Variants in HMCN1 observed in about 807,000 individuals in gnomAD.
HMCN1 encodes the protein hemicentin 1.
In HMCN1, 321 loss-of-function variants were observed where a neutral mutation model predicts 625.9. That is an observed-to-expected ratio of 0.51 (90% confidence interval 0.47 to 0.56). HMCN1 has a LOEUF of 0.56. Ranked by LOEUF, HMCN1 falls within the 20% of genes least tolerant of loss-of-function variation. The pLI is 0.00. For synonymous variants in HMCN1, 2,425 were observed against 2,417.6 expected, an observed-to-expected ratio of 1.00 and a Z score of -0.09; for missense variants, 6,588 against 6,887.3, an observed-to-expected ratio of 0.96 and a Z score of 1.54.
intron 68 of HMCN1, among the ~76,000 whole-genome samples, chr1:186,096,627 A>G (rs1343272958): frequency 6.6e-6 from 1 of 152,158 alleles, no homozygotes; most frequent in Non-Finnish European, 1.5e-5. Context: ...CCTTATCAAC[A>G]TAGTTGCAAA....
chr1:186,123,591 A>G (rs1163180233), intron 81 of HMCN1, among the ~76,000 whole-genome samples: 1 of 152,208 alleles, frequency 6.6e-6, no homozygotes, highest in African/African-American at 2.4e-5. Flanking sequence ...CATATGACCT[A>G]CATTGTATGA....
chr1:185,756,011 A>G (rs1247082432), intron 1 of HMCN1, among the ~76,000 whole-genome samples: 1 of 152,150 alleles, frequency 6.6e-6, no homozygotes, highest in African/African-American at 2.4e-5. Flanking sequence ...CTCCTGCCTC[A>G]GGAGAACTGT....
intron 71 of HMCN1, 38 bp from the exon 72 acceptor site, chr1:186,112,774 A>T (rs774827491): frequency 6.2e-7 from 1 of 1,612,284 alleles, no homozygotes; most frequent in Non-Finnish European, 8.5e-7. Flanking sequence ...TCTTTTCCTG[A>T]CATTTTAACG....
chr1:185,887,110 C>T (rs1453538983), intron 4 of HMCN1, among the ~76,000 whole-genome samples: 1 of 152,022 alleles, frequency 6.6e-6, no homozygotes, highest in Non-Finnish European at 1.5e-5. Flanking sequence ...CATCTTTTGT[C>T]CCTCTTAGTA....
intron 1 of HMCN1, among the ~76,000 whole-genome samples, chr1:185,811,902 T>C (rs1264280284): frequency 6.6e-6 from 1 of 152,210 alleles, no homozygotes; most frequent in African/African-American, 2.4e-5. Flanking sequence ...TGAGATTGTC[T>C]CAGTTAATGA....
intron 71 of HMCN1, among the ~76,000 whole-genome samples, chr1:186,112,502 C>A (rs1660936613): frequency 6.6e-6 from 1 of 152,134 alleles, no homozygotes; most frequent in South Asian, 2.1e-4. Flanking sequence ...AAGGGCACAC[C>A]CTTTCCCCGA....
chr1:185,950,248 G>A (rs1252703458), intron 11 of HMCN1, among the ~76,000 whole-genome samples: 1 of 150,930 alleles, frequency 6.6e-6, no homozygotes, highest in East Asian at 1.9e-4. Context: ...AAGGAGCCGG[G>A]AAGCAGAAAG....
intron 4 of HMCN1, among the ~76,000 whole-genome samples, chr1:185,874,938 A>G (rs1435246714): frequency 1.3e-5 from 2 of 151,904 alleles, no homozygotes; most frequent in Non-Finnish European, 2.9e-5. Flanking sequence ...AAATTTGGCC[A>G]TTATTTATTC....
In HMCN1 at chr1:186,039,722, T is replaced by C. The variant is rs1475793721; in HGVS notation, c.6029-6T>C. 1.9e-6 allele frequency: 3 copies of C among 1,613,324 alleles called. No individual in the cohort carries two copies. The highest frequency in any genetic ancestry group is 2.5e-6 in the Non-Finnish European group (3 of 1,179,412). On this transcript the variant is annotated splice_polypyrimidine_tract_variant and splice_region_variant and intron_variant, in intron 38 of 106. Transcript: ENST00000271588. The stretch of plus-strand genomic sequence containing the variant: ...AACGTGTCTTACTTTCATTTGTTTT[T>C]TTCAGTGGCCCCATCAATTTCTGGC...
intron 81 of HMCN1, 146 bp from the exon 82 acceptor site, chr1:186,125,458 G>A (rs144475868): frequency 1.5e-6 from 1 of 659,564 alleles, no homozygotes; most frequent in East Asian, 2.8e-5. Context: ...ATAGCAGGAA[G>A]CAAATCAATA....
chr1:186,125,129 T>G (rs913160637), intron 81 of HMCN1, among the ~76,000 whole-genome samples: 1 of 151,928 alleles, frequency 6.6e-6, no homozygotes, highest in African/African-American at 2.4e-5. Flanking sequence ...GCAATAAGTA[T>G]TTTTTTTTCT....
rs1476231445 is a variant in HMCN1, at chr1:186,159,999, C to T, written c.15257-5112C>T. On this transcript the variant is annotated intron_variant, in intron 97 of 106. Transcript: ENST00000271588. ...TGGAATAGTTTCAGAAGGAATGGTACCAGTTCCTCCTTGTACCTCTGGTAG... is the reference window on the plus strand; with the variant it reads ...TGGAATAGTTTCAGAAGGAATGGTATCAGTTCCTCCTTGTACCTCTGGTAG... Among the ~76,000 whole-genome samples the T allele has an allele frequency of 2.0e-5, 3 of 150,688 alleles. No individual in the cohort carries two copies. The South Asian group carries it at 6.3e-4, about 31-fold the overall frequency.
Position 186,088,266 on chromosome 1 carries a change from CA to C in HMCN1, c.9569del (p.Lys3190SerfsTer3). 2 of 1,612,728 alleles carry C rather than the reference CA, an allele frequency of 1.2e-6. No homozygotes were observed. Among genetic ancestry groups the C allele is most frequent in the Non-Finnish European group, 1.7e-6 (2 of 1,179,152 alleles). On this transcript the variant is annotated frameshift_variant, in exon 62 of 107. Transcript: ENST00000271588. LOFTEE classifies it high-confidence loss of function. The part of the protein sequence containing the change: ...PPTIAWLKNH[K>X]RIENSDSLEV... ...CCACGATAGCATGGTTAAAGAACCACAAGCGCATAGGTAAGGCAACCATGCA... is the reference window on the plus strand; with the variant it reads ...CCACGATAGCATGGTTAAAGAACCACAGCGCATAGGTAAGGCAACCATGCA...
chr1:186,083,888 T>C (rs1263545816), intron 57 of HMCN1, among the ~76,000 whole-genome samples: 1 of 152,180 alleles, frequency 6.6e-6, no homozygotes, highest in Non-Finnish European at 1.5e-5. Context: ...TTGAAGTTTT[T>C]TGAATGGATA....
chr1:186,019,494 C>T (rs963152276), intron 34 of HMCN1, 47 bp from the exon 35 acceptor site: 2 of 1,424,210 alleles, frequency 1.4e-6, no homozygotes, highest in African/African-American at 2.8e-5. Context: ...TTAAGTTCGA[C>T]CTCACTGATT....
intron 4 of HMCN1, among the ~76,000 whole-genome samples, chr1:185,896,936 T>C (rs755830078): frequency 3.9e-5 from 6 of 152,232 alleles, no homozygotes; most frequent in Non-Finnish European, 1.5e-5. Flanking sequence ...TTGATGCTGT[T>C]TTAATTTTCT....
chr1:185,745,312 T>C (rs1654314384), intron 1 of HMCN1, among the ~76,000 whole-genome samples: 1 of 152,210 alleles, frequency 6.6e-6, no homozygotes, highest in Non-Finnish European at 1.5e-5. Flanking sequence ...TGTTAGTTCA[T>C]TCTATACTTG....
chr1:185,815,451 C>T (rs2102255606), intron 1 of HMCN1, among the ~76,000 whole-genome samples: 1 of 150,378 alleles, frequency 6.6e-6, no homozygotes, highest in Admixed American at 6.6e-5. Flanking sequence ...CGTATTTTCT[C>T]ATCCATGCTG....
chr1:185,735,149 A>T (rs538326290), intron 1 of HMCN1, 102 bp downstream of exon 1: 105 of 1,300,634 alleles, frequency 8.1e-5, no homozygotes, highest in Middle Eastern at 4.2e-4. Context: ...AAACCATTTT[A>T]AAAAAATGTG....
Sources: gnomAD v4.1 joint callset for allele counts (sites outside exome capture counted in the v4.1 genomes callset) on GRCh38, gnomAD v4.1.1 for gene constraint, MANE v1.5 for transcripts, NCBI Gene and HGNC (gene_info 2026-07-23, HGNC 2026-07-21) for gene names.